The following ANGPTL6 variants were observed in gnomAD, a reference collection of about 807,000 sequenced individuals.
ANGPTL6 encodes angiopoietin-related protein 6.
A neutral mutation model predicts 47.4 loss-of-function variants in ANGPTL6; 45 were observed. That is an observed-to-expected ratio of 0.95 (90% CI 0.75 to 1.22). The LOEUF (loss-of-function observed/expected upper bound fraction) is 1.22, where lower values mean the gene tolerates loss of function less well. Among genes scored for constraint, ANGPTL6 ranks in the 50% most tolerant of loss-of-function variants. ANGPTL6 has a pLI of 0.00. For synonymous variants in ANGPTL6, 290 were observed against 295.9 expected, an observed-to-expected ratio of 0.98 and a Z score of 0.20; for missense variants, 698 against 669.4, an observed-to-expected ratio of 1.04 and a Z score of -0.47.
Position 10,096,021 on chromosome 19 carries a change from C to T in ANGPTL6, c.543G>A (p.Leu181=). 1.5e-6 allele frequency: 2 copies of T among 1,371,692 alleles called. No individual in the cohort carries two copies. The highest frequency in any genetic ancestry group is 1.9e-6 in the Non-Finnish European group (2 of 1,057,454). 85.0% of individuals were successfully genotyped at this position (1,371,692 alleles called of 1,614,324 possible). Residue 181 remains leucine, a synonymous_variant, in exon 2 of 6, where the codon CTG becomes CTA. Transcript: ENST00000253109. ...CCGCGCCTCCCGGGCACAGGCGCTC[C>T]AGGCGGGCGATGAGACTGCTCTGCT... ...VTQQSSLIAR[L]ERLCPGGAGG...
chr19:10,099,883 C>T (rs1433494023), intron 1 of ANGPTL6, among the ~76,000 whole-genome samples: 19 of 147,578 alleles, frequency 1.3e-4, no homozygotes, highest in Admixed American at 9.4e-4. Flanking sequence ...CTCTCCCCCA[C>T]GCCCTCTTTT....
chr19:10,103,745 A>C (rs2042904086), upstream of ANGPTL6, among the ~76,000 whole-genome samples: 1 of 151,452 alleles, frequency 6.6e-6, no homozygotes, highest in African/African-American at 2.4e-5. Flanking sequence ...TGAAAACCCT[A>C]CCTCAGTTAC....
At position 10,096,101 on chromosome 19, in the gene ANGPTL6, C is replaced by G; in HGVS notation, c.463G>C (p.Ala155Pro). Residue 155 changes from alanine (A) to proline (P), a missense_variant, in exon 2 of 6, where the codon GCC becomes CCC. By Grantham distance (27) the Ala-to-Pro change is conservative. Transcript: ENST00000253109. ...TTGACGTCCAGCTGGTGGAACCGGGCGGCTGCGCGCTGAGCCTCGGCGGAC... is the reference window on the plus strand; with the variant it reads ...TTGACGTCCAGCTGGTGGAACCGGGGGGCTGCGCGCTGAGCCTCGGCGGAC... ...NASAEAQRAA[A>P]RFHQLDVKFR... 6.7e-7 allele frequency: 1 copy of G among 1,486,106 alleles called. No individual in the cohort carries two copies. Among genetic ancestry groups the G allele is most frequent in the South Asian group, 1.3e-5 (1 of 78,778 alleles). 92.1% of individuals were successfully genotyped at this position (1,486,106 alleles called of 1,614,324 possible). A position where few individuals can be genotyped will look rare whatever the true frequency, so the allele number is the denominator to read the frequency against.
chr19:10,094,553 A>C (rs2088482569), intron 3 of ANGPTL6: 2 of 658,708 alleles, frequency 3.0e-6, no homozygotes, highest in Admixed American at 5.8e-5. Context: ...TAGCAGTCCC[A>C]AACATCGCCT....
At chr19:10,098,005 C>CAAAAAA (rs71188881) in intron 1 of ANGPTL6, among the ~76,000 whole-genome samples, 1 of 130,906 alleles carries the variant, frequency 7.6e-6, no homozygotes, top group Non-Finnish European at 1.6e-5. Flanking sequence ...CTGTCTCTAC[C>CAAAAAA]AAAAAAAAAA....
chr19:10,096,478 T>C lies in ANGPTL6; in HGVS notation c.86A>G (p.Tyr29Cys). ...WARAGAPRCT[Y>C]TFVLPPQKFT... ...CTTCTGCGGGGGCAGCACGAAGGTG[T>C]AGGTGCAGCGCGGGGCGCCCGCCCG... The change falls in exon 2 of 6, where the codon TAC becomes TGC. Residue 29 changes from tyrosine to cysteine, a missense_variant. Tyr to Cys is a radical substitution (Grantham distance 194). Coordinates refer to ENST00000253109, the MANE Select transcript of ANGPTL6 (RefSeq NM_031917.3). The C allele has an allele frequency of 6.6e-7, 1 of 1,505,410 alleles. No homozygotes were observed. Among genetic ancestry groups the C allele is most frequent in the Non-Finnish European group, 8.8e-7 (1 of 1,134,382 alleles). 93.3% of individuals were successfully genotyped at this position (1,505,410 alleles called of 1,614,324 possible). A position where few individuals can be genotyped will look rare whatever the true frequency, so the allele number is the denominator to read the frequency against.
At chr19:10,100,131 C>G (rs544568485) in intron 1 of ANGPTL6, among the ~76,000 whole-genome samples, 1 of 151,734 alleles carries the variant, frequency 6.6e-6, no homozygotes, top group Non-Finnish European at 1.5e-5. Context: ...TGCCTGTAAT[C>G]CCAGCTACTC....
chr19:10,094,717 T>C (rs2145169265), intron 3 of ANGPTL6, 41 bp downstream of exon 3: 1 of 1,613,626 alleles, frequency 6.2e-7, no homozygotes, highest in East Asian at 2.2e-5. Context: ...ACTCCTCAAT[T>C]TTCCTCTACC....
At chr19:10,100,227 C>G (rs1471777088) in intron 1 of ANGPTL6, among the ~76,000 whole-genome samples, 4 of 151,746 alleles carry the variant, frequency 2.6e-5, no homozygotes, top group Non-Finnish European at 5.9e-5. Flanking sequence ...CCTAGGCAAC[C>G]TGGGTGAGAC....
chr19:10,095,289 G>A (rs2088502676), intron 2 of ANGPTL6, among the ~76,000 whole-genome samples: 1 of 152,210 alleles, frequency 6.6e-6, no homozygotes, highest in Non-Finnish European at 1.5e-5. Context: ...GCTCACGCCT[G>A]TAATGCCAGC....
Position 10,096,093 on chromosome 19 carries a change from G to A in ANGPTL6, c.471C>T (p.Phe157=). 1 of 1,493,270 alleles carries A rather than the reference G, an allele frequency of 6.7e-7. No individual in the cohort carries two copies. Among genetic ancestry groups the A allele is most frequent in the Non-Finnish European group, 8.9e-7 (1 of 1,123,882 alleles). 92.5% of individuals were successfully genotyped at this position (1,493,270 alleles called of 1,614,324 possible). A position where few individuals can be genotyped will look rare whatever the true frequency, so the allele number is the denominator to read the frequency against. Residue 157 remains phenylalanine, a synonymous_variant, in exon 2 of 6, where the codon TTC becomes TTT. Transcript: ENST00000253109. The part of the protein sequence containing the change: ...SAEAQRAAAR[F]HQLDVKFREL... The stretch of plus-strand genomic sequence containing the variant: ...CGCGGAACTTGACGTCCAGCTGGTG[G>A]AACCGGGCGGCTGCGCGCTGAGCCT...
rs1444034750 is a variant in ANGPTL6 at position 10,092,662 on chromosome 19, T to C, written c.1340A>G (p.Tyr447Cys). The C allele has an allele frequency of 1.9e-6, 3 of 1,613,850 alleles. No homozygotes were observed. The highest frequency in any genetic ancestry group is 1.7e-5 in the Admixed American group (1 of 59,980). ...TGCCCCACCACGAAACTCAGCCCAG[T>C]AGACACCATCCTGGTAGCGGCTTCG... ...HYRSRYQDGV[Y>C]WAEFRGGAYS... Residue 447 changes from tyrosine (Y) to cysteine (C), a missense_variant, in exon 6 of 6, where the codon TAC becomes TGC. Transcript: ENST00000253109.
intron 1 of ANGPTL6, 83 bp from the exon 2 acceptor site, chr19:10,096,656 T>C (rs1252145476): frequency 9.1e-7 from 1 of 1,100,176 alleles, no homozygotes; most frequent in African/African-American, 1.7e-5. Context: ...GATGCGCGCG[T>C]CTACACCCGC....
At chr19:10,095,916 G>T in intron 2 of ANGPTL6, 66 bp downstream of exon 2, 1 of 968,256 alleles carries the variant, frequency 1.0e-6, no homozygotes, top group Non-Finnish European at 1.4e-6. Context: ...GTGGATAAGA[G>T]ATCGTGGGGT....
upstream of ANGPTL6, among the ~76,000 whole-genome samples, chr19:10,105,888 C>G (rs1161758464): frequency 1.3e-5 from 2 of 152,220 alleles, no homozygotes; most frequent in Non-Finnish European, 1.5e-5. Context: ...ATCCCTCAGC[C>G]TGTCTGCAGA....
At chr19:10,094,460 T>C in intron 3 of ANGPTL6, 1 of 396,456 alleles carries the variant, frequency 2.5e-6, no homozygotes, top group Non-Finnish European at 4.5e-6. Flanking sequence ...CTGGGGTTCT[T>C]AAACCCTGGT....
upstream of ANGPTL6, among the ~76,000 whole-genome samples, chr19:10,105,135 G>A (rs915571105): frequency 6.6e-6 from 1 of 152,186 alleles, no homozygotes; most frequent in African/African-American, 2.4e-5. Flanking sequence ...CTGAGCTCCC[G>A]AGTAACTCGA....
chr19:10,093,869 C>A lies in ANGPTL6; in HGVS notation c.775G>T (p.Asp259Tyr), dbSNP rs2145167151. Residue 259 changes from aspartate (D) to tyrosine (Y), a missense_variant, in exon 4 of 6, where the codon GAT (aspartate) becomes TAT (tyrosine). Transcript: ENST00000253109. The part of the protein sequence containing the change: ...VPTKPVGPWQ[D>Y]CAEARQAGHE... Reference sequence around the variant, plus strand: ...CCTGCCTGGCGGGCCTCTGCACAATCCTGCCACGGGCCTGTGGGCACAGGG... The same window carrying A: ...CCTGCCTGGCGGGCCTCTGCACAATACTGCCACGGGCCTGTGGGCACAGGG... 9 of 1,608,868 alleles carry A rather than the reference C, an allele frequency of 5.6e-6. No individual in the cohort carries two copies. Among genetic ancestry groups the A allele is most frequent in the Non-Finnish European group, 6.8e-6 (8 of 1,180,000 alleles).
intron 2 of ANGPTL6, among the ~76,000 whole-genome samples, chr19:10,095,694 A>G (rs565431665): frequency 6.6e-6 from 1 of 152,300 alleles, no homozygotes; most frequent in South Asian, 2.1e-4. Flanking sequence ...GGTTATGTAT[A>G]TGCATGTGTG....
Sources: allele counts gnomAD v4.1 joint callset (sites outside exome capture counted in the v4.1 genomes callset), GRCh38; gene constraint gnomAD v4.1.1; transcripts MANE v1.5; gene names NCBI Gene and HGNC (gene_info 2026-07-23, HGNC 2026-07-21).